Variants in VAX2 observed in about 807,000 individuals in gnomAD.
VAX2 encodes ventral anterior homeobox 2.
In VAX2, 8 loss-of-function variants were observed where a neutral mutation model predicts 12.5. The observed-to-expected ratio is 0.64, with a 90% CI of 0.37 to 1.15. The LOEUF (loss-of-function observed/expected upper bound fraction) is 1.15, where lower values mean the gene tolerates loss of function less well. Among genes scored for constraint, VAX2 ranks in the 50% most tolerant of loss-of-function variants. VAX2 has a pLI of 0.01. For missense variants in VAX2, 476 were observed against 412.9 expected (o/e 1.15, Z -1.32); for synonymous variants, 183 against 187.6 (o/e 0.98, Z 0.20).
At chr2:70,931,818 G>A (rs534492439) in intron 2 of VAX2, among the ~76,000 whole-genome samples, 63 of 152,386 alleles carry the variant, frequency 4.1e-4, no homozygotes, top group Admixed American at 2.8e-3. Flanking sequence ...GAACAGGCTG[G>A]GGCAGCCACA....
At chr2:70,913,452 C>T (rs572899751) in intron 1 of VAX2, among the ~76,000 whole-genome samples, 101 of 152,144 alleles carry the variant, frequency 6.6e-4, no homozygotes, top group African/African-American at 2.0e-3. Context: ...GAGGCTGAGG[C>T]GGGGGGATCA....
chr2:70,918,904 C>A (rs112032612), intron 1 of VAX2, among the ~76,000 whole-genome samples: 3,568 of 144,618 alleles, frequency 0.025, 54 homozygotes, highest in Admixed American at 0.05. Context: ...TGAGGGTAGA[C>A]ATAAAGTAAA....
At chr2:70,923,017 TA>T (rs1679493369) in intron 2 of VAX2, among the ~76,000 whole-genome samples, 1 of 98,776 alleles carries the variant, frequency 1.0e-5, no homozygotes, top group Non-Finnish European at 2.3e-5. Context: ...GAGAGACAGA[TA>T]GTGTGTGTGT....
chr2:70,925,507 A>C (rs1261105667), intron 2 of VAX2, among the ~76,000 whole-genome samples: 1 of 152,230 alleles, frequency 6.6e-6, no homozygotes, highest in Non-Finnish European at 1.5e-5. Context: ...AGCATAATCA[A>C]GAATTTTGTT....
chr2:70,929,667 A>G (rs1236977879), intron 2 of VAX2, among the ~76,000 whole-genome samples: 8 of 145,878 alleles, frequency 5.5e-5, no homozygotes, highest in African/African-American at 2.1e-4. Flanking sequence ...AGCCTGGGCT[A>G]CAGAGTGAGA....
At chr2:70,924,300 C>T (rs970626385) in intron 2 of VAX2, 1 of 152,076 alleles carries the variant, frequency 6.6e-6, no homozygotes, top group South Asian at 2.1e-4. Flanking sequence ...CTGAAACTAC[C>T]TAGAGATCCA....
intron 2 of VAX2, among the ~76,000 whole-genome samples, chr2:70,926,055 A>G (rs947493707): frequency 3.3e-5 from 5 of 151,388 alleles, no homozygotes; most frequent in African/African-American, 9.7e-5. Context: ...GCCCATTTCC[A>G]TGGCTAGTCT....
chr2:70,927,733 G>T (rs945852621), intron 2 of VAX2, among the ~76,000 whole-genome samples: 2 of 152,080 alleles, frequency 1.3e-5, no homozygotes, highest in African/African-American at 2.4e-5. Flanking sequence ...CGCGGCCATG[G>T]ATCACAGTGT....
At chr2:70,921,992 A>G (rs1558659999) in intron 2 of VAX2, among the ~76,000 whole-genome samples, 1 of 152,208 alleles carries the variant, frequency 6.6e-6, no homozygotes, top group Non-Finnish European at 1.5e-5. Context: ...TGCTTTGCCT[A>G]TGTTAAGTAA....
Position 70,900,861 on chromosome 2 carries a change from G to T in VAX2, c.240G>T (p.Leu80=). ...PGEADHCRRI[L]VRDAKGTIRE... ...AGGCAGACCACTGCCGCCGCATACTGGTGCGAGGTAAGGGGACAGCCCGCG... is the reference window on the plus strand; with the variant it reads ...AGGCAGACCACTGCCGCCGCATACTTGTGCGAGGTAAGGGGACAGCCCGCG... The change falls in exon 1 of 3, where the codon CTG becomes CTT. Residue 80 remains leucine, a synonymous_variant. Coordinates refer to ENST00000234392, the MANE Select transcript of VAX2 (RefSeq NM_012476.3). 1 of 1,422,450 alleles carries T rather than the reference G, an allele frequency of 7.0e-7. No individual in the cohort carries two copies. Among genetic ancestry groups the T allele is most frequent in the South Asian group, 1.5e-5 (1 of 68,268 alleles). The allele number at this position is 1,422,450 out of a possible 1,614,324, so 88.1% of individuals were successfully genotyped here.
chr2:70,926,842 G>A (rs540000560), intron 2 of VAX2, among the ~76,000 whole-genome samples: 8 of 152,162 alleles, frequency 5.3e-5, no homozygotes, highest in Admixed American at 6.5e-5. Flanking sequence ...AAAACTATGA[G>A]GAAGAGTTAA....
intron 2 of VAX2, among the ~76,000 whole-genome samples, chr2:70,930,417 C>G (rs148855747): frequency 3.3e-5 from 5 of 152,142 alleles, no homozygotes. Flanking sequence ...CAAAAGGACC[C>G]CTGCCCACTC....
chr2:70,930,661 C>G (rs1553414182), intron 2 of VAX2, among the ~76,000 whole-genome samples: 1 of 152,234 alleles, frequency 6.6e-6, no homozygotes, highest in East Asian at 1.9e-4. Flanking sequence ...GTGGTGATGT[C>G]TGGCATGGCC....
In VAX2 at chr2:70,904,532, C is replaced by T. The variant is rs781999416; in HGVS notation, c.247+3664C>T. Among the ~76,000 whole-genome samples, 8 of 152,212 alleles carry T rather than the reference C, an allele frequency of 5.3e-5. No homozygotes were observed. The highest frequency in any genetic ancestry group is 1.2e-4 in the Non-Finnish European group (8 of 68,032). ...AACACAGCAACTTTTACAGACAATG[C>T]GTGGCGTCCGTTCCTGCTCACCCAA... On this transcript the variant is annotated intron_variant, in intron 1 of 2. Transcript: ENST00000234392. This position sits in a 1 kb window ranked among gnomAD's most constrained non-coding sequence, Gnocchi z 4.2.
chr2:70,918,729 T>C (rs1679365691), intron 1 of VAX2, among the ~76,000 whole-genome samples: 1 of 151,676 alleles, frequency 6.6e-6, no homozygotes, highest in African/African-American at 2.4e-5. Context: ...ACCCCGTCTT[T>C]ACTAAAAATA....
intron 1 of VAX2, among the ~76,000 whole-genome samples, chr2:70,919,378 A>G (rs983738223): frequency 1.3e-5 from 2 of 151,784 alleles, no homozygotes; most frequent in African/African-American, 2.4e-5. Flanking sequence ...AAATTCATGG[A>G]GACATTGAGA....
intron 1 of VAX2, 101 bp from the exon 2 acceptor site, chr2:70,920,997 G>A (rs932106023): frequency 7.4e-7 from 1 of 1,351,710 alleles, no homozygotes; most frequent in Non-Finnish European, 9.8e-7. Context: ...CCAGGCCTGA[G>A]GAGCTCTGCG....
chr2:70,916,428 A>G (rs72832753), intron 1 of VAX2, among the ~76,000 whole-genome samples: 3,066 of 152,136 alleles, frequency 0.02, 44 homozygotes, highest in Admixed American at 0.05. Context: ...GTTCTATGAC[A>G]TTTTATTACA....
At chr2:70,921,993 T>C (rs1437157259) in intron 2 of VAX2, among the ~76,000 whole-genome samples, 1 of 152,240 alleles carries the variant, frequency 6.6e-6, no homozygotes, top group Non-Finnish European at 1.5e-5. Flanking sequence ...GCTTTGCCTA[T>C]GTTAAGTAAC....
Sources: allele counts gnomAD v4.1 joint callset (sites outside exome capture counted in the v4.1 genomes callset), GRCh38; gene constraint gnomAD v4.1.1; non-coding constraint Gnocchi (gnomAD v3.1); transcripts MANE v1.5; gene names NCBI Gene and HGNC (gene_info 2026-07-23, HGNC 2026-07-21).